Variants in TMEM116 observed in about 807,000 individuals in gnomAD.
The protein encoded by TMEM116 is transmembrane protein 116.
TMEM116 carries 38 observed loss-of-function variants against 44.3 expected under a neutral mutation model. The observed-to-expected ratio is 0.86, with a 90% CI of 0.66 to 1.12. The LOEUF (loss-of-function observed/expected upper bound fraction) is 1.12, where lower values mean the gene tolerates loss of function less well. Ranked by LOEUF, TMEM116 falls within the 50% of genes most tolerant of loss-of-function variation. The probability of loss-of-function intolerance (pLI) is 0.00; values close to 1 mark genes in which losing one functional copy is unlikely to be tolerated. For synonymous variants in TMEM116, 132 were observed against 144.8 expected, an observed-to-expected ratio of 0.91 and a Z score of 0.64; for missense variants, 354 against 401.7, an observed-to-expected ratio of 0.88 and a Z score of 1.01.
chr12:111,953,651 G>C (rs1040675834), intron 4 of TMEM116, among the ~76,000 whole-genome samples: 1 of 152,258 alleles, frequency 6.6e-6, no homozygotes, highest in South Asian at 2.1e-4. Context: ...CTGATGCCAC[G>C]CTTGTTAATC....
intron 3 of TMEM116, among the ~76,000 whole-genome samples, chr12:111,997,517 T>G (rs933982657): frequency 6.6e-6 from 1 of 152,130 alleles, no homozygotes; most frequent in Non-Finnish European, 1.5e-5. Flanking sequence ...GCTATGATCC[T>G]GTACTATGGC....
chr12:111,993,591 C>A, intron 3 of TMEM116: 1 of 543,732 alleles, frequency 1.8e-6, no homozygotes, highest in East Asian at 4.3e-5. Context: ...ATGCAGCTCC[C>A]AAGATGTATA....
chr12:111,979,400 A>T lies in TMEM116; in HGVS notation c.210+12358T>A, dbSNP rs1227528403. Among the ~76,000 whole-genome samples the T allele has an allele frequency of 3.9e-5, 6 of 152,196 alleles. 1 individual carries two copies. The stretch of plus-strand genomic sequence containing the variant: ...AAGCCAGACACAAAATGTTACACAT[A>T]TCGTATGATTCCATTTATAGTAAAT... On this transcript the variant is annotated intron_variant, in intron 4 of 10. Transcript: ENST00000552374.
At chr12:111,953,198 A>G (rs545252417) in intron 4 of TMEM116, among the ~76,000 whole-genome samples, 1 of 152,264 alleles carries the variant, frequency 6.6e-6, no homozygotes, top group South Asian at 2.1e-4. Context: ...CCTGTGAGCC[A>G]CTCCCTCCAA....
At chr12:111,939,880 C>CTCTGTGTG (rs2072541046) in intron 5 of TMEM116, among the ~76,000 whole-genome samples, 1 of 130,378 alleles carries the variant, frequency 7.7e-6, no homozygotes, top group Non-Finnish European at 1.6e-5. Context: ...CTTCAAAGCT[C>CTCTGTGTG]TGTGTGTGTG....
intron 4 of TMEM116, among the ~76,000 whole-genome samples, chr12:111,970,781 G>C (rs373444733): frequency 2.6e-5 from 4 of 151,642 alleles, no homozygotes; most frequent in East Asian, 1.9e-4. Flanking sequence ...GTGGAGATGG[G>C]GTTTCACCGT....
chr12:111,948,281 T>C (rs2073436703), intron 4 of TMEM116, among the ~76,000 whole-genome samples: 1 of 152,174 alleles, frequency 6.6e-6, no homozygotes, highest in Admixed American at 6.6e-5. Flanking sequence ...TCAAGTCTTC[T>C]GAGAAACGTA....
intron 4 of TMEM116, among the ~76,000 whole-genome samples, chr12:111,976,502 C>CA (rs1565927828): frequency 6.6e-6 from 1 of 152,002 alleles, no homozygotes; most frequent in Non-Finnish European, 1.5e-5. Flanking sequence ...CAAAACAAAA[C>CA]AAAACATAAA....
In TMEM116 at chr12:111,989,713, A is replaced by C. The variant is rs1246171869; in HGVS notation, c.210+2045T>G. Among the ~76,000 whole-genome samples the C allele has an allele frequency of 3.9e-5, 6 of 152,244 alleles. No homozygotes were observed. In the East Asian group the frequency reaches 1.2e-3, roughly 29 times the overall value. On this transcript the variant is annotated intron_variant, in intron 4 of 10. Transcript: ENST00000552374. ...TGGGAAAAGATAATCAACAGACACC[A>C]GCCTAGAAATGAGCCAGACATTGGA...
Position 112,003,642 on chromosome 12 carries a change from G to A in TMEM116, c.78+158C>T, listed in dbSNP as rs556956429. On this transcript the variant is annotated intron_variant, in intron 3 of 10. Transcript: ENST00000552374. ...AAATAATTACCTAGAAGAAAAGGGA[G>A]CCCTACTGACCATGCCAAAAATATC... 161 of 851,438 alleles carry A rather than the reference G, an allele frequency of 1.9e-4. No individual in the cohort carries two copies. The Middle Eastern group carries it at 3.9e-3, about 21-fold the overall frequency. 52.7% of individuals were successfully genotyped at this position (851,438 alleles called of 1,614,324 possible).
chr12:111,957,796 CG>C (rs2074262311), intron 4 of TMEM116, among the ~76,000 whole-genome samples: 1 of 152,188 alleles, frequency 6.6e-6, no homozygotes, highest in Admixed American at 6.5e-5. Flanking sequence ...TCATTGAGAA[CG>C]GGCCATGATG....
chr12:111,974,381 G>T (rs2075541042), intron 4 of TMEM116, among the ~76,000 whole-genome samples: 1 of 152,110 alleles, frequency 6.6e-6, no homozygotes, highest in Non-Finnish European at 1.5e-5. Flanking sequence ...AGTGGCTCAT[G>T]CCTGTAATTC....
intron 4 of TMEM116, among the ~76,000 whole-genome samples, chr12:111,958,888 T>C (rs1174042228): frequency 6.6e-6 from 1 of 152,152 alleles, no homozygotes; most frequent in Non-Finnish European, 1.5e-5. Flanking sequence ...TACCTGAAAG[T>C]GATGGGGAAA....
chr12:111,973,938 C>CA (rs1291605570), intron 4 of TMEM116, among the ~76,000 whole-genome samples: 4 of 151,808 alleles, frequency 2.6e-5, no homozygotes, highest in Admixed American at 2.0e-4. Flanking sequence ...AACAAAAAAA[C>CA]AAAAAATCCT....
At chr12:111,986,460 A>C (rs2076234622) in intron 4 of TMEM116, among the ~76,000 whole-genome samples, 1 of 152,104 alleles carries the variant, frequency 6.6e-6, no homozygotes, top group South Asian at 2.1e-4. Context: ...CTACATATAT[A>C]ATCAAATGAT....
intron 7 of TMEM116, 40 bp from the exon 8 acceptor site, chr12:111,936,870 G>T: frequency 1.3e-6 from 2 of 1,539,060 alleles, no homozygotes; most frequent in Middle Eastern, 1.8e-4. Flanking sequence ...TACTACAGAT[G>T]TAAGAAAAGA....
intron 4 of TMEM116, among the ~76,000 whole-genome samples, chr12:111,954,910 A>G (rs1449098911): frequency 6.6e-6 from 1 of 152,216 alleles, no homozygotes; most frequent in Non-Finnish European, 1.5e-5. Flanking sequence ...TGGTAAACAT[A>G]GATCAGTCAG....
chr12:112,010,207 C>T (rs531049660), intron 1 of TMEM116, among the ~76,000 whole-genome samples: 1 of 152,312 alleles, frequency 6.6e-6, no homozygotes, highest in East Asian at 1.9e-4. Flanking sequence ...CCTTCCAAGG[C>T]TTAACTCTAT....
chr12:111,956,536 C>T (rs931674852), intron 4 of TMEM116, among the ~76,000 whole-genome samples: 65 of 152,200 alleles, frequency 4.3e-4, no homozygotes, highest in African/African-American at 1.5e-3. Context: ...CCTCGTCTCC[C>T]CTTTGCACGG....
Sources: allele counts gnomAD v4.1 joint callset (sites outside exome capture counted in the v4.1 genomes callset), GRCh38; gene constraint gnomAD v4.1.1; transcripts MANE v1.5; gene names NCBI Gene and HGNC (gene_info 2026-07-23, HGNC 2026-07-21).